Variants in APBA1 observed in about 807,000 individuals in gnomAD.
APBA1 encodes amyloid beta precursor protein binding family A member 1.
A neutral mutation model predicts 86.6 loss-of-function variants in APBA1; 55 were observed. That is an observed-to-expected ratio of 0.64 (90% confidence interval 0.51 to 0.80). APBA1 has a LOEUF of 0.80. APBA1 is among the 30% of genes least tolerant of loss of function. The probability of loss-of-function intolerance (pLI) is 0.00; values close to 1 mark genes in which losing one functional copy is unlikely to be tolerated. For synonymous variants in APBA1, 511 were observed against 493.9 expected, an observed-to-expected ratio of 1.03 and a Z score of -0.46; for missense variants, 1,090 against 1,183.0, an observed-to-expected ratio of 0.92 and a Z score of 1.15.
At position 69,467,984 on chromosome 9, in the gene APBA1, C is replaced by T; in HGVS notation, c.1337-16G>A. ...GGTCCCGGAACTGTAACACATAGAG[C>T]CACAGTGAGGAAGCCATCCTGGGGT... On this transcript the variant is annotated splice_polypyrimidine_tract_variant and intron_variant, in intron 4 of 12. Coordinates refer to ENST00000265381, the MANE Select transcript of APBA1 (RefSeq NM_001163.4). The T allele has an allele frequency of 3.1e-6, 5 of 1,611,812 alleles. No homozygotes were observed. The highest frequency in any genetic ancestry group is 4.2e-6 in the Non-Finnish European group (5 of 1,178,218).
At chr9:69,495,537 C>A (rs1835780542) in intron 2 of APBA1, among the ~76,000 whole-genome samples, 1 of 152,036 alleles carries the variant, frequency 6.6e-6, no homozygotes, top group Non-Finnish European at 1.5e-5. Flanking sequence ...GTGACCACCT[C>A]CCAGGGTGTC....
chr9:69,443,636 T>C lies in APBA1; in HGVS notation c.2182-2521A>G, dbSNP rs150827223. 1.1e-3 allele frequency among the ~76,000 whole-genome samples: 166 copies of C among 152,320 alleles called. 2 individuals are homozygous for C. The East Asian group carries it at 0.028, about 26-fold the overall frequency. ...ATTGAACACTCACTGTTATCTGGCA[T>C]TAACCTGGAAAGGACAGGAGCTGTC... On this transcript the variant is annotated intron_variant, in intron 10 of 12. Coordinates refer to ENST00000265381, the MANE Select transcript of APBA1 (RefSeq NM_001163.4).
In APBA1 at chr9:69,536,704, T is replaced by TAA. The variant is rs71356116; in HGVS notation, c.-69-19427_-69-19426dup. On this transcript the variant is annotated intron_variant, in intron 1 of 12. Transcript: ENST00000265381. ...CAACATGAAGAAACCCCATCTCTACTAAAAAAAAAAAAAAAAAAAAAAAAA... is the reference window on the plus strand; with the variant it reads ...CAACATGAAGAAACCCCATCTCTACTAAAAAAAAAAAAAAAAAAAAAAAAAAA... 3.7e-3 allele frequency among the ~76,000 whole-genome samples: 207 copies of TAA among 55,942 alleles called. 6 individuals carry two copies. The highest frequency in any genetic ancestry group is 0.014 in the Middle Eastern group (1 of 72). The allele number at this position is 55,942 out of a possible 152,430, so 36.7% of individuals were successfully genotyped here. A position where few individuals can be genotyped will look rare whatever the true frequency, so the allele number is the denominator to read the frequency against.
chr9:69,648,414 C>T (rs1030574428), intron 1 of APBA1, among the ~76,000 whole-genome samples: 1 of 152,134 alleles, frequency 6.6e-6, no homozygotes, highest in Non-Finnish European at 1.5e-5. Flanking sequence ...TTACTATTAG[C>T]CAAGTTTACA....
rs1012439301 is a variant in APBA1 at position 69,516,885 on chromosome 9, G to A, written c.326C>T (p.Ala109Val). ...GGCGCTCTCGTCCTCGGGGTCCTGC[G>A]CGCGCTCCGCATCGTAGCCGTCGCG... ...AARDGYDAER[A>V]QDPEDESAYA... is the part of the protein sequence containing the mutation. Residue 109 changes from alanine to valine, a missense_variant, in exon 2 of 13, where the codon GCG becomes GTG. Transcript: ENST00000265381. The surrounding 1 kb of genome is among the most constrained non-coding windows in gnomAD (Gnocchi z 7.3). 3.8e-6 allele frequency: 6 copies of A among 1,594,378 alleles called. No homozygotes were observed. Among genetic ancestry groups the A allele is most frequent in the Non-Finnish European group, 5.1e-6 (6 of 1,176,610 alleles).
chr9:69,542,287 C>T (rs1040883890), intron 1 of APBA1, among the ~76,000 whole-genome samples: 5 of 152,140 alleles, frequency 3.3e-5, no homozygotes, highest in South Asian at 2.1e-4. Context: ...CAAAGTCCAT[C>T]GTTTACTTGG....
chr9:69,611,301 A>C (rs895374048), intron 1 of APBA1, among the ~76,000 whole-genome samples: 7 of 151,150 alleles, frequency 4.6e-5, no homozygotes, highest in Non-Finnish European at 7.4e-5. Context: ...AAAAAAAAAA[A>C]AAACAAAAAA....
At chr9:69,444,702 G>A (rs752198909) in intron 10 of APBA1, among the ~76,000 whole-genome samples, 19 of 152,168 alleles carry the variant, frequency 1.2e-4, no homozygotes, top group African/African-American at 1.9e-4. Context: ...TAGGAGGTAC[G>A]GTGGAGAGCA....
intron 8 of APBA1, 83 bp downstream of exon 8, chr9:69,456,164 A>G: frequency 1.4e-6 from 2 of 1,403,876 alleles, no homozygotes; most frequent in Non-Finnish European, 2.0e-6. Flanking sequence ...TACATGCATC[A>G]TGTGTGATGA....
rs112938827 is a variant in APBA1, at chr9:69,530,306, G to A, written c.-69-13027C>T. 2.2e-4 allele frequency among the ~76,000 whole-genome samples: 25 copies of A among 116,146 alleles called. No individual in the cohort carries two copies. In the East Asian group the frequency reaches 3.0e-3, roughly 14 times the overall value. 76.2% of individuals were successfully genotyped at this position (116,146 alleles called of 152,430 possible). On this transcript the variant is annotated intron_variant, in intron 1 of 12. Coordinates refer to ENST00000265381, the MANE Select transcript of APBA1 (RefSeq NM_001163.4). ...GGATTAAGAAAAAAGTTGTGTGTGT[G>A]TATATATATATATATATATATATAC...
chr9:69,567,908 G>T (rs1388763344), intron 1 of APBA1, among the ~76,000 whole-genome samples: 1 of 152,114 alleles, frequency 6.6e-6, no homozygotes, highest in Non-Finnish European at 1.5e-5. Flanking sequence ...GGTATGATGA[G>T]GTGGGAGAAA....
At chr9:69,432,750 GC>G in intron 11 of APBA1, 74 bp from the exon 12 acceptor site, 1 of 1,349,674 alleles carries the variant, frequency 7.4e-7, no homozygotes, top group South Asian at 1.8e-5. Flanking sequence ...TTTCCTGAAA[GC>G]CCCCTGCCCC....
At chr9:69,601,190 T>C (rs1489239568) in intron 1 of APBA1, among the ~76,000 whole-genome samples, 2 of 152,236 alleles carry the variant, frequency 1.3e-5, no homozygotes, top group Non-Finnish European at 2.9e-5. Flanking sequence ...AAGAAGTTAA[T>C]CTATTCCAAA....
chr9:69,586,580 A>C (rs890836021), intron 1 of APBA1, among the ~76,000 whole-genome samples: 2 of 152,124 alleles, frequency 1.3e-5, no homozygotes, highest in African/African-American at 4.8e-5. Context: ...CTCTAGCCAC[A>C]GTTTGGTGCT....
chr9:69,539,659 C>T (rs982121986), intron 1 of APBA1, among the ~76,000 whole-genome samples: 2 of 152,186 alleles, frequency 1.3e-5, no homozygotes, highest in East Asian at 1.9e-4. Flanking sequence ...CTCACCTCAG[C>T]GTCTACGCTC....
intron 1 of APBA1, among the ~76,000 whole-genome samples, chr9:69,638,296 A>C (rs1341882396): frequency 6.6e-6 from 1 of 152,226 alleles, no homozygotes; most frequent in Non-Finnish European, 1.5e-5. Flanking sequence ...GCTGGATTGC[A>C]GTGGCAAAAC....
intron 1 of APBA1, among the ~76,000 whole-genome samples, chr9:69,548,652 G>A (rs1030353789): frequency 2.6e-5 from 4 of 152,218 alleles, no homozygotes; most frequent in African/African-American, 9.6e-5. Context: ...AAAAGGAAAA[G>A]ATGGGGAAGG....
chr9:69,530,329 T>C (rs10586773), intron 1 of APBA1, among the ~76,000 whole-genome samples: 79,772 of 127,198 alleles, frequency 0.63, 24,387 homozygotes, highest in Non-Finnish European at 0.68. Context: ...TATATATATA[T>C]ACACACACAC....
intron 1 of APBA1, among the ~76,000 whole-genome samples, chr9:69,652,609 G>A (rs1823528609): frequency 6.6e-6 from 1 of 152,202 alleles, no homozygotes; most frequent in African/African-American, 2.4e-5. Flanking sequence ...AAGGGCAGTA[G>A]TAAATCCTTA....
Sources: gnomAD v4.1 joint callset for allele counts (sites outside exome capture counted in the v4.1 genomes callset) on GRCh38, gnomAD v4.1.1 for gene constraint, Gnocchi (gnomAD v3.1) non-coding constraint, MANE v1.5 for transcripts, NCBI Gene and HGNC (gene_info 2026-07-23, HGNC 2026-07-21) for gene names.